UBXN8: variants seen among roughly 807,000 people sequenced by gnomAD.
UBXN8 encodes UBX domain-containing protein 8.
UBXN8 carries 27 observed loss-of-function variants against 32.1 expected under a neutral mutation model. The ratio of observed to expected loss-of-function variants is 0.84; its 90% CI spans 0.62 to 1.16. UBXN8 has a LOEUF of 1.16. Among genes scored for constraint, UBXN8 ranks in the 50% most tolerant of loss-of-function variants. The pLI is 0.00. For synonymous variants in UBXN8, 109 were observed against 111.8 expected, an observed-to-expected ratio of 0.98 and a Z score of 0.16; for missense variants, 306 against 311.4, an observed-to-expected ratio of 0.98 and a Z score of 0.13.
rs746435981 is a variant in UBXN8, at chr8:30,744,257, G to A, written c.68G>A (p.Arg23Gln). The change falls in exon 1 of 8, where the codon CGG becomes CAG. Residue 23 changes from arginine to glutamine, a missense_variant. Physicochemically the swap from Arg to Gln is conservative, Grantham distance 43 (BLOSUM62 1). Transcript: ENST00000265616. ...SAVPLVCLEL[R>Q]RGIPDIGIKD... ...GTCCCCCTTGTGTGTCTGGAGCTCC[G>A]GCGTGGGATCCCGGATATAGGTAAG... 15 of 1,613,666 alleles carry A rather than the reference G, an allele frequency of 9.3e-6. No individual in the cohort carries two copies. The highest frequency in any genetic ancestry group is 8.3e-5 in the Admixed American group (5 of 59,954).
intron 5 of UBXN8, among the ~76,000 whole-genome samples, chr8:30,759,188 C>T (rs560766062): frequency 4.5e-4 from 68 of 151,624 alleles, no homozygotes; most frequent in Non-Finnish European, 5.0e-4. Context: ...CCACCACGCC[C>T]GGCCACAAAT....
chr8:30,761,622 G>C lies in UBXN8; in HGVS notation c.570+693G>C, dbSNP rs140616823. Among the ~76,000 whole-genome samples, 589 of 151,966 alleles carry C rather than the reference G, an allele frequency of 3.9e-3. 2 individuals are homozygous for C. The highest frequency in any genetic ancestry group is 0.013 in the African/African-American group (541 of 41,452). ...ACAGAATCAAAATAGGCATATGTCC[G>C]AGCACTTTGGGAGGCCAAGAGGGGA... On this transcript the variant is annotated intron_variant, in intron 6 of 7. Coordinates refer to ENST00000265616, the MANE Select transcript of UBXN8 (RefSeq NM_005671.4).
At chr8:30,741,390 AC>A (rs1393645936), upstream of UBXN8, among the ~76,000 whole-genome samples, 3 of 151,966 alleles carry the variant, frequency 2.0e-5, no homozygotes, top group African/African-American at 7.3e-5. Flanking sequence ...TGTCTCATAA[AC>A]AAATAAAAAT....
intron 1 of UBXN8, among the ~76,000 whole-genome samples, chr8:30,737,996 T>G (rs901303570): frequency 6.6e-6 from 1 of 151,608 alleles, no homozygotes; most frequent in Admixed American, 6.6e-5. Context: ...CGGTGGCTCA[T>G]GCCTGTTATC....
upstream of UBXN8, among the ~76,000 whole-genome samples, chr8:30,740,291 A>T (rs1434617649): frequency 6.6e-6 from 1 of 150,818 alleles, no homozygotes; most frequent in Non-Finnish European, 1.5e-5. Context: ...CATTGTGTTT[A>T]ATGATATGCA....
chr8:30,762,923 C>T (rs1436157754), intron 6 of UBXN8, among the ~76,000 whole-genome samples: 3 of 151,826 alleles, frequency 2.0e-5, no homozygotes, highest in Admixed American at 2.0e-4. Context: ...AGGCTGGGTG[C>T]AGTGGCGTGA....
rs541724897 is a variant in UBXN8, at chr8:30,753,097, G to A, written c.274G>A (p.Gly92Arg). 18 of 1,522,846 alleles carry A rather than the reference G, an allele frequency of 1.2e-5. No homozygotes were observed. The East Asian group carries it at 4.5e-4, about 38-fold the overall frequency. 94.3% of individuals were successfully genotyped at this position (1,522,846 alleles called of 1,614,324 possible). ...GAGAAAAAAACAACAAGAAGCACAAGGAGAGAAGGTAAGGCAGAATTTTTA... is the reference window on the plus strand; with the variant it reads ...GAGAAAAAAACAACAAGAAGCACAAAGAGAGAAGGTAAGGCAGAATTTTTA... ...LVRKKQQEAQ[G>R]EKASRYIENV... is the part of the protein sequence containing the mutation. The change falls in exon 3 of 8, where the codon GGA becomes AGA. Residue 92 changes from glycine to arginine, a missense_variant. By Grantham distance (125) the Gly-to-Arg change is moderately radical. Transcript: ENST00000265616.
At chr8:30,755,156 C>G (rs902257606) in intron 4 of UBXN8, among the ~76,000 whole-genome samples, 15 of 151,980 alleles carry the variant, frequency 9.9e-5, no homozygotes, top group Admixed American at 2.0e-4. Flanking sequence ...GGGGTCTCAC[C>G]GTGTTAGCCA....
chr8:30,747,901 T>TTTC, intron 1 of UBXN8, among the ~76,000 whole-genome samples: 1 of 113,822 alleles, frequency 8.8e-6, no homozygotes, highest in Admixed American at 8.8e-5. Flanking sequence ...TTTCTTTTTT[T>TTTC]TTTTTTTTTT....
chr8:30,732,329 A>G (rs538125304), upstream of UBXN8: 85 of 398,100 alleles, frequency 2.1e-4, no homozygotes, highest in African/African-American at 1.5e-3. Flanking sequence ...GACTGTGGGT[A>G]TAAGGTGTCC....
upstream of UBXN8, among the ~76,000 whole-genome samples, chr8:30,743,848 G>T (rs1021833157): frequency 6.6e-6 from 1 of 152,156 alleles, no homozygotes; most frequent in Non-Finnish European, 1.5e-5. Context: ...CTTTTTCTTC[G>T]GCTTCATTTC....
At chr8:30,763,196 G>A (rs1805904128) in intron 6 of UBXN8, 77 bp from the exon 7 acceptor site, 4 of 1,426,798 alleles carry the variant, frequency 2.8e-6, no homozygotes, top group Non-Finnish European at 3.9e-6. Context: ...CTTTTTAGCT[G>A]CTTAGCTGTT....
chr8:30,766,010 CAAA>C (rs35768128), intron 7 of UBXN8, among the ~76,000 whole-genome samples: 4 of 133,776 alleles, frequency 3.0e-5, no homozygotes, highest in African/African-American at 8.4e-5. Context: ...ACTCCCATCT[CAAA>C]AAAAAAAAAA....
At chr8:30,739,611 T>C (rs1805153110), upstream of UBXN8, among the ~76,000 whole-genome samples, 1 of 152,188 alleles carries the variant, frequency 6.6e-6, no homozygotes, top group Non-Finnish European at 1.5e-5. Flanking sequence ...TGGTAAAATC[T>C]GAATGAAGTC....
intron 5 of UBXN8, 32 bp downstream of exon 5, chr8:30,756,919 G>A (rs375244834): frequency 1.4e-5 from 22 of 1,612,654 alleles, no homozygotes; most frequent in Non-Finnish European, 1.8e-5. Flanking sequence ...ATTGAATTGT[G>A]TCTGTGTGCA....
upstream of UBXN8, among the ~76,000 whole-genome samples, chr8:30,741,599 G>C (rs541256178): frequency 6.6e-6 from 1 of 151,876 alleles, no homozygotes; most frequent in Non-Finnish European, 1.5e-5. Flanking sequence ...CTACAGGTGT[G>C]AGCCACCATG....
chr8:30,758,331 A>G (rs1805718845), intron 5 of UBXN8, among the ~76,000 whole-genome samples: 1 of 152,250 alleles, frequency 6.6e-6, no homozygotes, highest in Non-Finnish European at 1.5e-5. Context: ...TGTTATTAAC[A>G]TGAGTGTATA....
chr8:30,746,366 A>T (rs1397401496), intron 1 of UBXN8, among the ~76,000 whole-genome samples: 1 of 151,904 alleles, frequency 6.6e-6, no homozygotes, highest in African/African-American at 2.4e-5. Flanking sequence ...AACAGTATTT[A>T]AGTCTGTTTT....
intron 1 of UBXN8, among the ~76,000 whole-genome samples, chr8:30,748,315 T>A (rs907982243): frequency 1.5e-4 from 22 of 150,836 alleles, no homozygotes; most frequent in Non-Finnish European, 2.5e-4. Context: ...GGAAAAAATA[T>A]ATATATATTA....
Sources: gnomAD v4.1 joint callset for allele counts (sites outside exome capture counted in the v4.1 genomes callset) on GRCh38, gnomAD v4.1.1 for gene constraint, MANE v1.5 for transcripts, NCBI Gene and HGNC (gene_info 2026-07-23, HGNC 2026-07-21) for gene names.